Variants in CERS4 observed in about 807,000 individuals in gnomAD.
CERS4 encodes the protein LAG1 homolog, ceramide synthase 4.
A neutral mutation model predicts 51.8 loss-of-function variants in CERS4; 65 were observed. That is an observed-to-expected ratio of 1.26 (90% CI 1.03 to 1.54). The LOEUF (loss-of-function observed/expected upper bound fraction) is 1.54, where lower values mean the gene tolerates loss of function less well. Ranked by LOEUF, CERS4 falls within the 40% of genes most tolerant of loss-of-function variation. The probability of loss-of-function intolerance (pLI) is 0.00; values close to 1 mark genes in which losing one functional copy is unlikely to be tolerated. For missense variants in CERS4, 563 were observed against 500.4 expected (o/e 1.13, Z -1.19); for synonymous variants, 228 against 208.4 (o/e 1.09, Z -0.81).
intron 2 of CERS4, among the ~76,000 whole-genome samples, chr19:8,231,432 C>A (rs923983223): frequency 7.2e-5 from 11 of 152,188 alleles, no homozygotes; most frequent in Admixed American, 5.2e-4. Context: ...TGGCCTAGTT[C>A]TGTTAGCCTC....
At position 8,251,200 on chromosome 19, in the gene CERS4, GC is replaced by G. The variant is rs753449807; in HGVS notation, c.127del (p.Leu43CysfsTer22). On this transcript the variant is annotated frameshift_variant, in exon 3 of 12. Transcript: ENST00000251363. LOFTEE classifies it high-confidence loss of function. ...CCCCCACCCCCAGGACTTGTTGGCAGCCCTGCCCCTGGCGCTGGTCCTCCTG... is the reference window on the plus strand; with the variant it reads ...CCCCCACCCCCAGGACTTGTTGGCAGCCTGCCCCTGGCGCTGGTCCTCCTG... The part of the protein sequence containing the change: ...VYPHPQDLLA[A>X]LPLALVLLAM... The G allele has an allele frequency of 2.5e-6, 4 of 1,613,056 alleles. No homozygotes were observed. Among genetic ancestry groups the G allele is most frequent in the Admixed American group, 1.7e-5 (1 of 59,802 alleles).
intron 2 of CERS4, among the ~76,000 whole-genome samples, chr19:8,234,088 C>G (rs900706571): frequency 6.6e-6 from 1 of 151,834 alleles, no homozygotes; most frequent in Non-Finnish European, 1.5e-5. Flanking sequence ...GGGCGGATCA[C>G]GAGGTCAGGA....
rs769311109 is a variant in CERS4 at position 8,261,680 on chromosome 19, GGCTGTA to G, written c.849-6_849-1del. The stretch of plus-strand genomic sequence containing the variant: ...AACCCCAGCCTCCTCCTCTCCCCCT[GGCTGTA>G]GGATCCTCTACACCACATACTACGA... On this transcript the variant is annotated splice_acceptor_variant and splice_polypyrimidine_tract_variant and intron_variant, in intron 10 of 11. Transcript: ENST00000251363. LOFTEE classifies it high-confidence loss of function. The G allele has an allele frequency of 2.5e-6, 4 of 1,613,848 alleles. No individual in the cohort carries two copies. The South Asian group carries it at 4.4e-5, about 18-fold the overall frequency.
intron 2 of CERS4, among the ~76,000 whole-genome samples, chr19:8,245,122 A>AAAAACAAAACAAAACAAAACAAAAC (rs1555777239): frequency 2.3e-5 from 3 of 129,258 alleles, no homozygotes; most frequent in Non-Finnish European, 4.7e-5. Flanking sequence ...AAAAAAAAAA[A>AAAAACAAAACAAAACAAAACAAAAC]AAAAAAAAAA....
At chr19:8,248,567 T>A (rs1224159738) in intron 2 of CERS4, among the ~76,000 whole-genome samples, 1 of 151,278 alleles carries the variant, frequency 6.6e-6, no homozygotes, top group East Asian at 2.0e-4. Flanking sequence ...TTTAGATGGG[T>A]GGACAGATGG....
intron 3 of CERS4, among the ~76,000 whole-genome samples, chr19:8,252,067 A>T (rs1030876807): frequency 2.5e-3 from 106 of 42,724 alleles, no homozygotes; most frequent in African/African-American, 8.9e-3. Context: ...TCTCTATTAA[A>T]AAAAAAAAAA....
At chr19:8,249,223 G>A (rs1968945943) in intron 2 of CERS4, among the ~76,000 whole-genome samples, 1 of 151,478 alleles carries the variant, frequency 6.6e-6, no homozygotes, top group Non-Finnish European at 1.5e-5. Flanking sequence ...GATGGATGAT[G>A]GGTGGGTGGA....
intron 2 of CERS4, among the ~76,000 whole-genome samples, chr19:8,233,112 C>T (rs1447567135): frequency 6.6e-6 from 1 of 151,698 alleles, no homozygotes; most frequent in East Asian, 1.9e-4. Flanking sequence ...AAATTCCTGG[C>T]CTCAAGCAAT....
chr19:8,223,719 G>A lies in CERS4; in HGVS notation c.-2+12857G>A, dbSNP rs571298822. On this transcript the variant is annotated intron_variant, in intron 2 of 11. Coordinates refer to ENST00000251363, the MANE Select transcript of CERS4 (RefSeq NM_024552.3). ...GAGGATCACTTGAGCCTGGGAGGTC[G>A]AAACTGCAGTGAACCTTGATCATGC... Among the ~76,000 whole-genome samples, 12 of 152,254 alleles carry A rather than the reference G, an allele frequency of 7.9e-5. 2 individuals are homozygous for A. The highest frequency in any genetic ancestry group is 2.6e-4 in the African/African-American group (11 of 41,556).
At chr19:8,255,068 C>G (rs972087874) in intron 4 of CERS4, among the ~76,000 whole-genome samples, 5 of 152,182 alleles carry the variant, frequency 3.3e-5, no homozygotes, top group Non-Finnish European at 7.3e-5. Flanking sequence ...GTGACCCTCC[C>G]TCCATTCCCG....
intron 2 of CERS4, among the ~76,000 whole-genome samples, chr19:8,242,128 C>A (rs577201739): frequency 9.0e-4 from 137 of 152,276 alleles, no homozygotes; most frequent in African/African-American, 3.2e-3. Context: ...CCTGTCCCAC[C>A]AACAGGTGAC....
rs572101476 is a variant in CERS4, at chr19:8,232,334, A to C, written c.-1-18742A>C. On this transcript the variant is annotated intron_variant, in intron 2 of 11. Transcript: ENST00000251363. ...AAGACAGAATCTTGCTCTGTCACCC[A>C]GGCTGGAATACAGTGGTGCAATCTC... Among the ~76,000 whole-genome samples, 5 of 151,894 alleles carry C rather than the reference A, an allele frequency of 3.3e-5. No homozygotes were observed. In the South Asian group the frequency reaches 1.0e-3, roughly 32 times the overall value.
intron 2 of CERS4, among the ~76,000 whole-genome samples, chr19:8,243,194 TAAA>T (rs56754017): frequency 0.46 from 27,835 of 60,336 alleles, 5,594 homozygotes; most frequent in Non-Finnish European, 0.51. Flanking sequence ...ACCCTGTCTC[TAAA>T]AAAAAAAAAA....
chr19:8,252,181 A>G (rs1014463762), intron 3 of CERS4, among the ~76,000 whole-genome samples: 8 of 152,076 alleles, frequency 5.3e-5, no homozygotes, highest in Non-Finnish European at 4.4e-5. Context: ...CCAGCCCGAC[A>G]AACGTGGTGA....
At chr19:8,248,862 G>GTGGA (rs1291266158) in intron 2 of CERS4, among the ~76,000 whole-genome samples, 3 of 141,484 alleles carry the variant, frequency 2.1e-5, no homozygotes, top group Non-Finnish European at 4.6e-5. Context: ...GGATGGGTGG[G>GTGGA]TGGATGGATG....
chr19:8,227,322 A>T (rs1967828353), intron 2 of CERS4, among the ~76,000 whole-genome samples: 1 of 151,924 alleles, frequency 6.6e-6, no homozygotes, highest in Admixed American at 6.6e-5. Context: ...CTGGAATATG[A>T]TTCAGGTTTT....
At chr19:8,219,076 G>A (rs1312198953) in intron 2 of CERS4, among the ~76,000 whole-genome samples, 6 of 152,166 alleles carry the variant, frequency 3.9e-5, no homozygotes, top group East Asian at 3.9e-4. Context: ...GCATGGTGGC[G>A]GGCGCCTGTA....
rs575558405 is a variant in CERS4, at chr19:8,256,581, C to T, written c.520-37C>T. ...CATACCCCTGCCCGATTGGAGCCTT[C>T]GCTCCCCACAGCTAACCTTGTCCTG... On this transcript the variant is annotated intron_variant, in intron 7 of 11. Coordinates refer to ENST00000251363, the MANE Select transcript of CERS4 (RefSeq NM_024552.3). 123 of 1,572,678 alleles carry T rather than the reference C, an allele frequency of 7.8e-5. No individual in the cohort carries two copies. In the South Asian group the frequency reaches 9.5e-4, roughly 12 times the overall value.
intron 2 of CERS4, among the ~76,000 whole-genome samples, chr19:8,249,033 A>C (rs1048531156): frequency 2.0e-5 from 3 of 148,270 alleles, no homozygotes; most frequent in Admixed American, 2.0e-4. Context: ...GGATGGATGG[A>C]TGATGGGTAG....
Sources: allele counts gnomAD v4.1 joint callset (sites outside exome capture counted in the v4.1 genomes callset), GRCh38; gene constraint gnomAD v4.1.1; transcripts MANE v1.5; gene names NCBI Gene and HGNC (gene_info 2026-07-23, HGNC 2026-07-21).